The following CRADD variants were observed in gnomAD, a reference collection of about 807,000 sequenced individuals.
CRADD encodes death domain-containing protein CRADD.
In CRADD, 9 loss-of-function variants were observed where a neutral mutation model predicts 15.5. The ratio of observed to expected loss-of-function variants is 0.58; its 90% CI spans 0.35 to 1.01. The LOEUF is 1.01. Among genes scored for constraint, CRADD ranks in the 50% least tolerant of loss-of-function variants. The pLI, the probability that CRADD is intolerant of heterozygous loss-of-function variation, is 0.02. For missense variants in CRADD, 227 were observed against 250.3 expected (o/e 0.91, Z 0.63); for synonymous variants, 118 against 107.6 (o/e 1.10, Z -0.60).
In CRADD at chr12:93,686,914, A is replaced by ATT. The variant is rs200107901; in HGVS notation, c.298+7854_298+7855dup. Among the ~76,000 whole-genome samples the ATT allele has an allele frequency of 5.8e-3, 813 of 140,704 alleles. 3 individuals carry two copies. Among genetic ancestry groups the ATT allele is most frequent in the African/African-American group, 0.017 (656 of 38,892 alleles). The allele number at this position is 140,704 out of a possible 152,430, so 92.3% of individuals were successfully genotyped here. On this transcript the variant is annotated intron_variant, in intron 2 of 2. Transcript: ENST00000332896. ...GGCTTTTTAAAAATTGTACTAATGC[A>ATT]TTTTTTTTTTTTTCATTTTAAGAGG...
intron 2 of CRADD, among the ~76,000 whole-genome samples, chr12:93,787,305 G>GTTTTTTTTTT (rs34146137): frequency 8.0e-6 from 1 of 124,744 alleles, no homozygotes. Context: ...GTATGACAGG[G>GTTTTTTTTTT]TTTTTTTTTT....
chr12:93,729,071 A>C (rs1793285305), intron 2 of CRADD, among the ~76,000 whole-genome samples: 1 of 152,248 alleles, frequency 6.6e-6, no homozygotes, highest in African/African-American at 2.4e-5. Context: ...GAACAGATTA[A>C]TACGGACACT....
chr12:93,742,292 C>G (rs2136929598), intron 2 of CRADD, among the ~76,000 whole-genome samples: 1 of 152,192 alleles, frequency 6.6e-6, no homozygotes, highest in African/African-American at 2.4e-5. Context: ...CTAGGGAACC[C>G]GGCTCTTTCT....
chr12:93,678,398 C>A (rs1352433919), intron 1 of CRADD, among the ~76,000 whole-genome samples: 1 of 152,210 alleles, frequency 6.6e-6, no homozygotes, highest in African/African-American at 2.4e-5. Flanking sequence ...ACCACCATTT[C>A]TTCTCCAGCG....
chr12:93,755,071 C>A (rs1374526393), intron 2 of CRADD, among the ~76,000 whole-genome samples: 1 of 152,024 alleles, frequency 6.6e-6, no homozygotes, highest in East Asian at 1.9e-4. Flanking sequence ...TACAGGGTGG[C>A]AGGCAAGAGA....
chr12:93,680,142 G>T (rs924353525), intron 2 of CRADD, among the ~76,000 whole-genome samples: 1 of 151,922 alleles, frequency 6.6e-6, no homozygotes, highest in Admixed American at 6.6e-5. Flanking sequence ...AACCTCCCTT[G>T]ACTCTGTTTC....
intron 2 of CRADD, among the ~76,000 whole-genome samples, chr12:93,768,364 C>CTATTT (rs1957047429): frequency 1.3e-5 from 2 of 152,000 alleles, no homozygotes; most frequent in African/African-American, 4.8e-5. Context: ...GAAATTGAAA[C>CTATTT]TGAAAATAGA....
chr12:93,790,941 T>A (rs1362018400), intron 2 of CRADD, among the ~76,000 whole-genome samples: 1 of 82,180 alleles, frequency 1.2e-5, no homozygotes, highest in Non-Finnish European at 2.3e-5. Context: ...ACACACACAC[T>A]CTTGATAGTC....
intron 2 of CRADD, among the ~76,000 whole-genome samples, chr12:93,724,574 A>G (rs1366986637): frequency 6.6e-6 from 1 of 152,142 alleles, no homozygotes; most frequent in Non-Finnish European, 1.5e-5. Flanking sequence ...AGCTCCTTAA[A>G]TACAGAGCTG....
At chr12:93,686,412 T>C (rs891425926) in intron 2 of CRADD, among the ~76,000 whole-genome samples, 4 of 151,838 alleles carry the variant, frequency 2.6e-5, no homozygotes, top group Admixed American at 6.6e-5. Flanking sequence ...AGACAGGCAT[T>C]TGGGGGAGGA....
At chr12:93,853,913 A>G (rs1190021878), downstream of CRADD, among the ~76,000 whole-genome samples, 1 of 152,132 alleles carries the variant, frequency 6.6e-6, no homozygotes, top group Non-Finnish European at 1.5e-5. Flanking sequence ...GTGGATCTTT[A>G]GGTCGGTTTT....
At chr12:93,884,999 C>T (rs548605032) in intron 2 of CRADD, among the ~76,000 whole-genome samples, 68 of 152,280 alleles carry the variant, frequency 4.5e-4, no homozygotes, top group African/African-American at 1.6e-3. Context: ...AGCAACTCCT[C>T]TTCCCTTGGG....
At chr12:93,822,918 T>A (rs1442683169) in intron 2 of CRADD, among the ~76,000 whole-genome samples, 1 of 152,260 alleles carries the variant, frequency 6.6e-6, no homozygotes, top group Non-Finnish European at 1.5e-5. Flanking sequence ...ATCAGTTTTA[T>A]GATTTCATGG....
chr12:93,810,622 A>G (rs11107197), intron 2 of CRADD, among the ~76,000 whole-genome samples: 3,844 of 148,928 alleles, frequency 0.026, 149 homozygotes, highest in African/African-American at 0.087. Flanking sequence ...CCCTTTGCAG[A>G]ATGCAGTATG....
intron 2 of CRADD, among the ~76,000 whole-genome samples, chr12:93,717,372 A>G (rs953007857): frequency 2.0e-5 from 3 of 152,110 alleles, no homozygotes; most frequent in Non-Finnish European, 4.4e-5. Context: ...TTTTAATTTT[A>G]ATGAAATCTA....
At chr12:93,723,010 AT>A (rs1464944324) in intron 2 of CRADD, among the ~76,000 whole-genome samples, 1 of 152,212 alleles carries the variant, frequency 6.6e-6, no homozygotes, top group African/African-American at 2.4e-5. Flanking sequence ...CATGAGAAAA[AT>A]TTTGGCATAG....
At chr12:93,825,715 A>G (rs1039090238) in intron 2 of CRADD, among the ~76,000 whole-genome samples, 6 of 152,172 alleles carry the variant, frequency 3.9e-5, no homozygotes, top group African/African-American at 1.4e-4. Context: ...GGCTATGAGA[A>G]CCTATTTTGC....
chr12:93,888,424 C>A (rs867013264), intron 2 of CRADD, among the ~76,000 whole-genome samples: 593 of 112,742 alleles, frequency 5.3e-3, no homozygotes, highest in Middle Eastern at 9.3e-3. Flanking sequence ...GACTCCGTCT[C>A]AAAAAAAAAA....
At chr12:93,718,406 TG>T (rs930298959) in intron 2 of CRADD, among the ~76,000 whole-genome samples, 5 of 152,262 alleles carry the variant, frequency 3.3e-5, no homozygotes, top group South Asian at 2.1e-4. Flanking sequence ...TTTTGATCTT[TG>T]GGGGGGTGCT....
Sources: gnomAD v4.1 joint callset for allele counts (sites outside exome capture counted in the v4.1 genomes callset) on GRCh38, gnomAD v4.1.1 for gene constraint, MANE v1.5 for transcripts, NCBI Gene and HGNC (gene_info 2026-07-23, HGNC 2026-07-21) for gene names.